ZSCAN10: variants seen among roughly 807,000 people sequenced by gnomAD.
The protein encoded by ZSCAN10 is zinc finger and SCAN domain-containing protein 10.
A neutral mutation model predicts 63.7 loss-of-function variants in ZSCAN10; 52 were observed. That is an observed-to-expected ratio of 0.82 (90% CI 0.65 to 1.03). ZSCAN10 has a LOEUF of 1.03. Ranked by LOEUF, ZSCAN10 falls within the 50% of genes least tolerant of loss-of-function variation. The pLI is 0.00. For missense variants in ZSCAN10, 1,223 were observed against 1,103.8 expected (o/e 1.11, Z -1.53); for synonymous variants, 544 against 479.6 (o/e 1.13, Z -1.76).
chr16:3,097,568 A>G (rs908696836), intron 1 of ZSCAN10, among the ~76,000 whole-genome samples: 2 of 152,110 alleles, frequency 1.3e-5, no homozygotes, highest in Middle Eastern at 3.2e-3. Flanking sequence ...CAACCCCTGC[A>G]TGTGTGAGAG....
Position 3,092,064 on chromosome 16 carries a change from C to A in ZSCAN10, c.649G>T (p.Ala217Ser). 6.4e-7 allele frequency: 1 copy of A among 1,569,914 alleles called. No individual in the cohort carries two copies. Among genetic ancestry groups the A allele is most frequent in the Non-Finnish European group, 8.6e-7 (1 of 1,157,158 alleles). ...AGCTCCTCACTGCTTTCTTGCAGGG[C>A]CTGGAATGTCTTCTGGGGCCCCGGG... ...LSPGPQKTFQ[A>S]LQESSPQGPS... The change falls in exon 3 of 6, where the codon GCC becomes TCC. Residue 217 changes from alanine (A) to serine (S), a missense_variant. Ala to Ser is a moderately conservative substitution (Grantham distance 99). Transcript: ENST00000576985.
chr16:3,091,595 C>T lies in ZSCAN10; in HGVS notation c.732G>A (p.Glu244=), dbSNP rs1957076753. Residue 244 remains glutamate (E), a splice_region_variant and synonymous_variant, in exon 5 of 6, where the codon GAG becomes GAA. Coordinates refer to ENST00000576985, the MANE Select transcript of ZSCAN10 (RefSeq NM_032805.3). ...CTGGCACATCCTCAAAGGTCAGGCA[C>T]TCCTGTATCAAGAGCAGAAACCCTT... ...SRDQELAAVL[E]CLTFEDVPEN... 7 of 1,614,110 alleles carry T rather than the reference C, an allele frequency of 4.3e-6. No homozygotes were observed. Among genetic ancestry groups the T allele is most frequent in the African/African-American group, 4.0e-5 (3 of 74,932 alleles).
Position 3,089,194 on chromosome 16 carries a change from G to C in ZSCAN10, c.2240C>G (p.Thr747Arg). The C allele has an allele frequency of 2.5e-6, 4 of 1,580,966 alleles. No individual in the cohort carries two copies. Among genetic ancestry groups the C allele is most frequent in the Non-Finnish European group, 3.4e-6 (4 of 1,170,910 alleles). Reference protein sequence around the residue: ...CNLLRHLLVHTGARPYSCTQC... With the variant: ...CNLLRHLLVHRGARPYSCTQC... ...CGTGCAGGAGTAGGGCCTGGCGCCC[G>C]TGTGCACCAGCAGGTGTCGCAGCAG... Residue 747 changes from threonine (T) to arginine (R), a missense_variant, in exon 6 of 6, where the codon ACG becomes AGG. By Grantham distance (71) the Thr-to-Arg change is moderately conservative. Transcript: ENST00000576985.
chr16:3,092,905 C>T lies in ZSCAN10; in HGVS notation c.33G>A (p.Glu11=), dbSNP rs888242260. 4.9e-6 allele frequency: 7 copies of T among 1,439,052 alleles called. No individual in the cohort carries two copies. Among genetic ancestry groups the T allele is most frequent in the South Asian group, 1.5e-5 (1 of 67,430 alleles). The allele number at this position is 1,439,052 out of a possible 1,614,324, so 89.1% of individuals were successfully genotyped here. A position where few individuals can be genotyped will look rare whatever the true frequency, so the allele number is the denominator to read the frequency against. The part of the protein sequence containing the change: MLGESVPAAV[E]QEQLGEVKLE... ...GCTTGACTTCCCCCAGCTGCTCCTG[C>T]TCCACGGCAGCTGGGACTGATTCTC... The change falls in exon 2 of 6, where the codon GAG becomes GAA. Residue 11 remains glutamate, a synonymous_variant. Transcript: ENST00000576985.
chr16:3,089,376 G>C lies in ZSCAN10; in HGVS notation c.2058C>G (p.Gly686=), dbSNP rs1275838654. 1.2e-6 allele frequency: 2 copies of C among 1,602,144 alleles called. No homozygotes were observed. Among genetic ancestry groups the C allele is most frequent in the Non-Finnish European group, 1.7e-6 (2 of 1,178,434 alleles). Residue 686 remains glycine, a synonymous_variant, in exon 6 of 6, where the codon GGC becomes GGG. Coordinates refer to ENST00000576985, the MANE Select transcript of ZSCAN10 (RefSeq NM_032805.3). ...NLARHRRSHT[G]ERPYSCQTCG... ...ACGTCTGACAGCTGTAGGGCCGCTC[G>C]CCCGTGTGGCTGCGGCGATGGCGGG...
At chr16:3,090,705 C>A in intron 5 of ZSCAN10, 59 bp from the exon 6 acceptor site, 1 of 1,477,724 alleles carries the variant, frequency 6.8e-7, no homozygotes, top group Non-Finnish European at 8.9e-7. Context: ...CTATCAATCA[C>A]CAGAACCTGA....
Position 3,089,328 on chromosome 16 carries a change from G to A in ZSCAN10, c.2106C>T (p.Asn702=), listed in dbSNP as rs573961182. 1.4e-5 allele frequency: 22 copies of A among 1,584,930 alleles called. No homozygotes were observed. The South Asian group carries it at 1.9e-4, about 14-fold the overall frequency. ...CQTCGRSFRR[N]AHLRRHLATH... is the part of the protein sequence containing the mutation. ...TAGCCAGGTGCCGCCGCAGATGCGC[G>A]TTGCGCCGGAAGCTGCGACCGCACG... Residue 702 remains asparagine (N), a synonymous_variant, in exon 6 of 6, where the codon AAC becomes AAT. Coordinates refer to ENST00000576985, the MANE Select transcript of ZSCAN10 (RefSeq NM_032805.3).
At chr16:3,091,411 AG>A in intron 5 of ZSCAN10, 128 bp downstream of exon 5, 2 of 986,694 alleles carry the variant, frequency 2.0e-6, no homozygotes. Flanking sequence ...TGGGAGGCTG[AG>A]GTGGGAGGAT....
In ZSCAN10 at chr16:3,090,021, C is replaced by T. The variant is rs752206957; in HGVS notation, c.1413G>A (p.Pro471=). Residue 471 remains proline (P), a synonymous_variant, in exon 6 of 6, where the codon CCG becomes CCA. Transcript: ENST00000576985. ...PCAPESKAEA[P]PLTDVLCSHC... is the part of the protein sequence containing the mutation. ...GGGAGCACAGGACATCGGTCAGTGG[C>T]GGCGCTTCGGCCTTACTCTCAGGAG... The T allele has an allele frequency of 2.5e-6, 4 of 1,579,098 alleles. No individual in the cohort carries two copies. Among genetic ancestry groups the T allele is most frequent in the South Asian group, 1.1e-5 (1 of 88,602 alleles).
At chr16:3,096,922 C>G (rs1957159689) in intron 1 of ZSCAN10, among the ~76,000 whole-genome samples, 1 of 137,640 alleles carries the variant, frequency 7.3e-6, no homozygotes. Context: ...GAATTAGACT[C>G]TGCCTCAAAA....
At chr16:3,096,687 G>C (rs887096481) in intron 1 of ZSCAN10, among the ~76,000 whole-genome samples, 2 of 152,140 alleles carry the variant, frequency 1.3e-5, no homozygotes, top group African/African-American at 4.8e-5. Flanking sequence ...CAGCAGTGTG[G>C]GTGGCCGAGG....
In ZSCAN10 at chr16:3,090,265, ATG is replaced by A; in HGVS notation, c.1167_1168del (p.Ile390SerfsTer75). 1 of 1,608,760 alleles carries A rather than the reference ATG, an allele frequency of 6.2e-7. No individual in the cohort carries two copies. Among genetic ancestry groups the A allele is most frequent in the Non-Finnish European group, 8.5e-7 (1 of 1,179,476 alleles). ...GTGAGTGCGCATGTGCAGCTTGAGA[ATG>A]GAGCTGCGGCCGAAGCTCTTCCCGC... On this transcript the variant is annotated frameshift_variant, in exon 6 of 6. Transcript: ENST00000576985. LOFTEE classifies it high-confidence loss of function.
Position 3,089,979 on chromosome 16 carries a change from G to A in ZSCAN10, c.1455C>T (p.Phe485=). The A allele has an allele frequency of 6.5e-7, 1 of 1,549,388 alleles. No homozygotes were observed. The highest frequency in any genetic ancestry group is 8.7e-7 in the Non-Finnish European group (1 of 1,150,148). The change falls in exon 6 of 6, where the codon TTC becomes TTT. Residue 485 remains phenylalanine, a synonymous_variant. Transcript: ENST00000576985. The stretch of plus-strand genomic sequence containing the variant: ...GGCGCTTGAGGCTGGAGCGGCGCTG[G>A]AAGCTCTGGCCGCAGTGGGAGCACA... ...DVLCSHCGQS[F]QRRSSLKRHL...
rs1257399086 is a variant in ZSCAN10 at position 3,091,526 on chromosome 16, GA to G, written c.787+13del. Reference sequence around the variant, plus strand: ...AGGCATCAGTGGTCACTTCTCCAGGGAAGGGTTGCTTACCCAGGGGGTGTGC... The same window carrying G: ...AGGCATCAGTGGTCACTTCTCCAGGGAGGGTTGCTTACCCAGGGGGTGTGC... On this transcript the variant is annotated intron_variant, in intron 5 of 5. Coordinates refer to ENST00000576985, the MANE Select transcript of ZSCAN10 (RefSeq NM_032805.3). The G allele has an allele frequency of 6.2e-7, 1 of 1,614,014 alleles. No individual in the cohort carries two copies. Among genetic ancestry groups the G allele is most frequent in the South Asian group, 1.1e-5 (1 of 91,068 alleles).
At chr16:3,091,920 C>T in intron 3 of ZSCAN10, 92 bp from the exon 4 acceptor site, 2 of 1,596,532 alleles carry the variant, frequency 1.3e-6, no homozygotes, top group African/African-American at 2.7e-5. Context: ...ATCATCCGGG[C>T]CCTGTGAAGA....
At chr16:3,090,916 A>G (rs1284606880) in intron 5 of ZSCAN10, among the ~76,000 whole-genome samples, 4 of 151,726 alleles carry the variant, frequency 2.6e-5, no homozygotes, top group African/African-American at 9.7e-5. Context: ...AAACCAAAAC[A>G]AAAATTAGCT....
Position 3,089,166 on chromosome 16 carries a change from CT to C in ZSCAN10, c.2267del (p.Gln756ArgfsTer81), listed in dbSNP as rs1192310470. The C allele has an allele frequency of 1.3e-6, 2 of 1,547,292 alleles. No homozygotes were observed. The highest frequency in any genetic ancestry group is 1.7e-6 in the Non-Finnish European group (2 of 1,157,936). On this transcript the variant is annotated frameshift_variant, in exon 6 of 6. Coordinates refer to ENST00000576985, the MANE Select transcript of ZSCAN10 (RefSeq NM_032805.3). LOFTEE classifies it high-confidence loss of function. The stretch of plus-strand genomic sequence containing the variant: ...AGTTGCGGCTGAAGCTGCGGCCACA[CT>C]GCGTGCAGGAGTAGGGCCTGGCGCC... ...HTGARPYSCT[Q>X]CGRSFSRNSH...
At chr16:3,095,763 G>A (rs1344859201) in intron 1 of ZSCAN10, among the ~76,000 whole-genome samples, 1 of 150,568 alleles carries the variant, frequency 6.6e-6, no homozygotes, top group East Asian at 1.9e-4. Context: ...GGGAGGTAGA[G>A]CTTGCAATGA....
intron 1 of ZSCAN10, among the ~76,000 whole-genome samples, chr16:3,097,005 G>A (rs1957161302): frequency 6.6e-6 from 1 of 151,874 alleles, no homozygotes; most frequent in Non-Finnish European, 1.5e-5. Context: ...ACTGAGGCAG[G>A]AGAATCTCTT....
Sources: gnomAD v4.1 joint callset for allele counts (sites outside exome capture counted in the v4.1 genomes callset) on GRCh38, gnomAD v4.1.1 for gene constraint, MANE v1.5 for transcripts, NCBI Gene and HGNC (gene_info 2026-07-23, HGNC 2026-07-21) for gene names.